The following PLA2G5 variants were observed in gnomAD, a reference collection of about 807,000 sequenced individuals.
PLA2G5 encodes the protein phospholipase A2 group V.
A neutral mutation model predicts 15.9 loss-of-function variants in PLA2G5; 12 were observed. The ratio of observed to expected loss-of-function variants is 0.76; its 90% CI spans 0.48 to 1.23. PLA2G5 has a LOEUF of 1.23. Among genes scored for constraint, PLA2G5 ranks in the 50% most tolerant of loss-of-function variants. The pLI, the probability that PLA2G5 is intolerant of heterozygous loss-of-function variation, is 0.00. For missense variants in PLA2G5, 169 were observed against 177.1 expected, an observed-to-expected ratio of 0.95 and a Z score of 0.26; for synonymous variants, 71 against 71.4, an observed-to-expected ratio of 0.99 and a Z score of 0.03.
intron 4 of PLA2G5, 139 bp downstream of exon 4, chr1:20,090,034 T>C: frequency 1.6e-6 from 1 of 640,890 alleles, no homozygotes; most frequent in Non-Finnish European, 2.8e-6. Flanking sequence ...GCAGGATTAT[T>C]GCAGCTGTAT....
chr1:20,041,487 T>G lies in PLA2G5; in HGVS notation n.276+12778T>G, dbSNP rs926704869. ...ACTGTGGGCATGTGAGTAAAGTCAA[T>G]TTGCCAATCCTGGGCAGGGGCAAAT... On this transcript the variant is annotated intron_variant and non_coding_transcript_variant, in intron 1 of 6. Transcript: ENST00000460175. 3.9e-5 allele frequency among the ~76,000 whole-genome samples: 6 copies of G among 152,142 alleles called. No homozygotes were observed. In the East Asian group the frequency reaches 1.2e-3, roughly 29 times the overall value.
rs71585739 is a variant in PLA2G5 at position 20,060,247 on chromosome 1, C to CTTTTTTTTTTTTT, written n.337+567_337+579dup. 3.0e-4 allele frequency among the ~76,000 whole-genome samples: 25 copies of CTTTTTTTTTTTTT among 83,702 alleles called. 2 individuals carry two copies. The highest frequency in any genetic ancestry group is 9.8e-4 in the East Asian group (2 of 2,036). 54.9% of individuals were successfully genotyped at this position (83,702 alleles called of 152,430 possible). On this transcript the variant is annotated intron_variant and non_coding_transcript_variant, in intron 2 of 6. Coordinates refer to the PLA2G5 transcript ENST00000460175. ...CTATTTACTGACTTTCTTTTTTCTT[C>CTTTTTTTTTTTTT]TTTTTTTTTTTTTTTTTTTTTTTTG... is the stretch of plus-strand genomic sequence containing the variant.
chr1:20,050,657 G>A (rs933628996), intron 1 of PLA2G5, among the ~76,000 whole-genome samples: 8 of 152,098 alleles, frequency 5.3e-5, no homozygotes, highest in African/African-American at 1.9e-4. Context: ...TGTTTTATTA[G>A]GGTTTATAGT....
chr1:20,042,175 G>C (rs1289333146), intron 1 of PLA2G5, among the ~76,000 whole-genome samples: 1 of 152,190 alleles, frequency 6.6e-6, no homozygotes, highest in African/African-American at 2.4e-5. Context: ...CTTGCTGAGA[G>C]GTAGTGGATG....
intron 2 of PLA2G5, among the ~76,000 whole-genome samples, chr1:20,063,111 G>A (rs909688831): frequency 1.3e-5 from 2 of 152,166 alleles, no homozygotes; most frequent in African/African-American, 4.8e-5. Flanking sequence ...TGGGAGGATG[G>A]GAGCCCGGGA....
intron 1 of PLA2G5, among the ~76,000 whole-genome samples, chr1:20,076,115 C>G (rs1242584032): frequency 2.0e-5 from 3 of 152,124 alleles, no homozygotes; most frequent in Non-Finnish European, 2.9e-5. Flanking sequence ...TCAATTCGGG[C>G]CTGCCTCGGG....
intron 2 of PLA2G5, among the ~76,000 whole-genome samples, chr1:20,063,255 A>T (rs1410922998): frequency 6.6e-6 from 1 of 152,222 alleles, no homozygotes; most frequent in African/African-American, 2.4e-5. Context: ...TCTCACAACA[A>T]ATAGGTGCCC....
At chr1:20,059,095 A>C (rs2100452683) in intron 1 of PLA2G5, among the ~76,000 whole-genome samples, 1 of 134,022 alleles carries the variant, frequency 7.5e-6, no homozygotes, top group South Asian at 2.4e-4. Context: ...AATCACCCAG[A>C]CTGGGTGATA....
At chr1:20,051,933 C>T (rs575904723) in intron 1 of PLA2G5, among the ~76,000 whole-genome samples, 1 of 152,246 alleles carries the variant, frequency 6.6e-6, no homozygotes, top group East Asian at 1.9e-4. Context: ...AAATCTATGG[C>T]TGGGCTTGGC....
Position 20,054,637 on chromosome 1 carries a change from C to A in PLA2G5, n.277-4995C>A, listed in dbSNP as rs571495286. On this transcript the variant is annotated intron_variant and non_coding_transcript_variant, in intron 1 of 6. Transcript: ENST00000460175. ...TGGCTGTCTCAGTGGGGTCTAAGCC[C>A]CTCTTTCATTTTTACAGTCCTCCAT... Among the ~76,000 whole-genome samples, 11 of 151,684 alleles carry A rather than the reference C, an allele frequency of 7.3e-5. No individual in the cohort carries two copies. In the East Asian group the frequency reaches 2.1e-3, roughly 29 times the overall value.
intron 1 of PLA2G5, among the ~76,000 whole-genome samples, chr1:20,037,569 T>C (rs2013326921): frequency 6.6e-6 from 1 of 152,218 alleles, no homozygotes; most frequent in South Asian, 2.1e-4. Flanking sequence ...ATGGACAGAC[T>C]CAGGACCTCT....
chr1:20,060,155 C>T (rs550546112), intron 2 of PLA2G5, among the ~76,000 whole-genome samples: 6 of 151,680 alleles, frequency 4.0e-5, no homozygotes, highest in East Asian at 3.9e-4. Flanking sequence ...GCTCAACCTA[C>T]GGCACTGTAA....
At chr1:20,084,569 T>A (rs2016190984) in intron 1 of PLA2G5, among the ~76,000 whole-genome samples, 1 of 152,202 alleles carries the variant, frequency 6.6e-6, no homozygotes, top group Admixed American at 6.5e-5. Context: ...CTGGGGTGTT[T>A]GTGGCTAAAA....
At chr1:20,063,906 C>T (rs190890812) in intron 2 of PLA2G5, among the ~76,000 whole-genome samples, 1 of 152,332 alleles carries the variant, frequency 6.6e-6, no homozygotes, top group East Asian at 1.9e-4. Flanking sequence ...TTAAGACTCT[C>T]CTTCAAGTAA....
chr1:20,081,008 T>C (rs903912973), intron 1 of PLA2G5, among the ~76,000 whole-genome samples: 2 of 151,836 alleles, frequency 1.3e-5, no homozygotes, highest in Non-Finnish European at 2.9e-5. Flanking sequence ...GTGCGTTCTT[T>C]CCAGCCAGGA....
intron 1 of PLA2G5, 77 bp downstream of exon 1, chr1:20,070,542 GGT>G: frequency 1.1e-6 from 1 of 902,186 alleles, no homozygotes; most frequent in Non-Finnish European, 1.3e-6. Context: ...TGGAGAAGGG[GGT>G]GTGTGGAGAG....
intron 2 of PLA2G5, among the ~76,000 whole-genome samples, chr1:20,061,694 A>C (rs1363202966): frequency 6.6e-6 from 1 of 151,500 alleles, no homozygotes; most frequent in Admixed American, 6.6e-5. Context: ...CATATATCTT[A>C]CTCCAAAGGC....
intron 1 of PLA2G5, among the ~76,000 whole-genome samples, chr1:20,080,012 C>G (rs2015917905): frequency 6.6e-6 from 1 of 152,170 alleles, no homozygotes. Context: ...AAGTTAGGAA[C>G]AAGAGGAAGA....
rs1396702852 is a variant in PLA2G5, at chr1:20,089,878, GGGGCGT to G, written c.278_283del (p.Gly93_Val94del). The G allele has an allele frequency of 1.9e-6, 3 of 1,613,424 alleles. No homozygotes were observed. The highest frequency in any genetic ancestry group is 2.5e-6 in the Non-Finnish European group (3 of 1,179,630). On this transcript the variant is annotated inframe_deletion, in exon 4 of 5. Transcript: ENST00000375108. ...CAGTCCTACAAATACAGATTCGCGTGGGGCGTGGTCACCTGCGGTAAGGCTGGGGCT... is the reference window on the plus strand; with the variant it reads ...CAGTCCTACAAATACAGATTCGCGTGGGTCACCTGCGGTAAGGCTGGGGCT...
Sources: gnomAD v4.1 joint callset for allele counts (sites outside exome capture counted in the v4.1 genomes callset) on GRCh38, gnomAD v4.1.1 for gene constraint, MANE v1.5 for transcripts, NCBI Gene and HGNC (gene_info 2026-07-23, HGNC 2026-07-21) for gene names.